BIRC7: variants seen among roughly 807,000 people sequenced by gnomAD.
The protein encoded by BIRC7 is baculoviral IAP repeat containing 7.
BIRC7 carries 26 observed loss-of-function variants against 33.2 expected under a neutral mutation model. The ratio of observed to expected loss-of-function variants is 0.78; its 90% confidence interval spans 0.57 to 1.09. The LOEUF is 1.09. Among genes scored for constraint, BIRC7 ranks in the 50% least tolerant of loss-of-function variants. The probability of loss-of-function intolerance (pLI) is 0.00; values close to 1 mark genes in which losing one functional copy is unlikely to be tolerated. For synonymous variants in BIRC7, 176 were observed against 171.0 expected, an observed-to-expected ratio of 1.03 and a Z score of -0.23; for missense variants, 409 against 401.2, an observed-to-expected ratio of 1.02 and a Z score of -0.17.
At chr20:63,239,263 C>T (rs2066715161) in intron 5 of BIRC7, 30 bp downstream of exon 5, 4 of 1,609,946 alleles carry the variant, frequency 2.5e-6, no homozygotes, top group East Asian at 2.2e-5. Context: ...TGGGTGAGGG[C>T]TGGGGCAGGG....
chr20:63,236,475 C>T lies in BIRC7; in HGVS notation c.349+30C>T, dbSNP rs371997368. 2.5e-5 allele frequency: 37 copies of T among 1,504,722 alleles called. 1 individual carries two copies. The highest frequency in any genetic ancestry group is 1.1e-4 in the East Asian group (5 of 43,900). 93.2% of individuals were successfully genotyped at this position (1,504,722 alleles called of 1,614,324 possible). A position where few individuals can be genotyped will look rare whatever the true frequency, so the allele number is the denominator to read the frequency against. On this transcript the variant is annotated intron_variant, in intron 1 of 6. Transcript: ENST00000217169. ...GTCCCGGGCGGGGGGGCCTTCCTGC[C>T]GTGGGCCTGGGCACGATTCTGGACC...
chr20:63,236,110 A>T lies in BIRC7; in HGVS notation c.14A>T (p.Asp5Val). 1 of 1,558,440 alleles carries T rather than the reference A, an allele frequency of 6.4e-7. No homozygotes were observed. Among genetic ancestry groups the T allele is most frequent in the Non-Finnish European group, 8.7e-7 (1 of 1,145,948 alleles). Residue 5 changes from aspartate (D) to valine (V), a missense_variant, in exon 1 of 7, where the codon GAC becomes GTC. Physicochemically the swap from Asp to Val is radical, Grantham distance 152. Coordinates refer to ENST00000217169, the MANE Select transcript of BIRC7 (RefSeq NM_139317.3). MGPK[D>V]SAKCLHRGPQ... Reference sequence around the variant, plus strand: ...AGTGTTCCCTCCATGGGACCTAAAGACAGTGCCAAGTGCCTGCACCGTGGA... The same window carrying T: ...AGTGTTCCCTCCATGGGACCTAAAGTCAGTGCCAAGTGCCTGCACCGTGGA...
At position 63,238,394 on chromosome 20, in the gene BIRC7, A is replaced by G. The variant is rs1161679745; in HGVS notation, c.450-2A>G. 6.2e-7 allele frequency: 1 copy of G among 1,611,662 alleles called. No individual in the cohort carries two copies. The highest frequency in any genetic ancestry group is 1.7e-5 in the Admixed American group (1 of 60,008). On this transcript the variant is annotated splice_acceptor_variant, in intron 2 of 6. Transcript: ENST00000217169. LOFTEE classifies it high-confidence loss of function. ...CAACCTACATCTCTGGGGCATCTGC[A>G]GCTGTCAGTTCCTGCTCCGGTCAAA...
rs1191962068 is a variant in BIRC7 at position 63,238,235 on chromosome 20, G to A, written c.450-161G>A. 3.4e-5 allele frequency: 32 copies of A among 938,458 alleles called. No homozygotes were observed. The East Asian group carries it at 7.0e-4, about 21-fold the overall frequency. 58.1% of individuals were successfully genotyped at this position (938,458 alleles called of 1,614,324 possible). On this transcript the variant is annotated intron_variant, in intron 2 of 6. Coordinates refer to ENST00000217169, the MANE Select transcript of BIRC7 (RefSeq NM_139317.3). ...GCCTCTCCCATGGGACTACCCTGAA[G>A]CCCCATGGAGGCGTCTCCACAGCAG...
intron 5 of BIRC7, 24 bp from the exon 6 acceptor site, chr20:63,239,334 C>A (rs151009486): frequency 6.2e-7 from 1 of 1,602,448 alleles, no homozygotes; most frequent in African/African-American, 1.3e-5. Flanking sequence ...GGTGTGGGGA[C>A]ATTTCGCAGG....
chr20:63,236,589 C>G, intron 1 of BIRC7, 144 bp downstream of exon 1: 1 of 1,287,876 alleles, frequency 7.8e-7, no homozygotes, highest in Non-Finnish European at 1.0e-6. Context: ...TCCTGCAAGC[C>G]CCTCCAGTGC....
In BIRC7 at chr20:63,239,194, C is replaced by G. The variant is rs11908302; in HGVS notation, c.610C>G (p.Pro204Ala). ...CTCTGGGTACCCTGAGCTGCCCACA[C>G]CCAGGAGAGAGGTCCAGTCTGAAAG... ...PASGYPELPT[P>A]RREVQSESAQ... is the part of the protein sequence containing the mutation. Residue 204 changes from proline to alanine, a missense_variant, in exon 5 of 7, where the codon CCC becomes GCC. Physicochemically the swap from Pro to Ala is conservative, Grantham distance 27. Transcript: ENST00000217169. The G allele has an allele frequency of 1.9e-6, 3 of 1,612,820 alleles. No homozygotes were observed. Among genetic ancestry groups the G allele is most frequent in the African/African-American group, 2.7e-5 (2 of 74,974 alleles).
At chr20:63,238,545 C>A in intron 3 of BIRC7, 24 bp from the exon 4 acceptor site, 1 of 1,613,174 alleles carries the variant, frequency 6.2e-7, no homozygotes, top group Non-Finnish European at 8.5e-7. Context: ...TCCCCAAGGC[C>A]TGATGGTCTC....
At chr20:63,237,858 G>C (rs771398413) in intron 1 of BIRC7, 45 bp from the exon 2 acceptor site, 1 of 1,527,360 alleles carries the variant, frequency 6.5e-7, no homozygotes. Context: ...GGGGCCCGGG[G>C]ACTGGGTGGG....
At chr20:63,237,597 T>C (rs1431069243) in intron 1 of BIRC7, among the ~76,000 whole-genome samples, 4 of 152,008 alleles carry the variant, frequency 2.6e-5, no homozygotes, top group African/African-American at 9.7e-5. Context: ...CCCAGGGCTA[T>C]AGATGTACCA....
Position 63,236,325 on chromosome 20 carries a change from AG to A in BIRC7, c.234del (p.Pro79LeufsTer21), listed in dbSNP as rs564140632. 8 of 1,606,972 alleles carry A rather than the reference AG, an allele frequency of 5.0e-6. No individual in the cohort carries two copies. The highest frequency in any genetic ancestry group is 6.0e-6 in the Non-Finnish European group (7 of 1,175,926). On this transcript the variant is annotated frameshift_variant, in exon 1 of 7. Coordinates refer to ENST00000217169, the MANE Select transcript of BIRC7 (RefSeq NM_139317.3). LOFTEE classifies it high-confidence loss of function. Reference protein sequence around the residue: ...EEEGAGATLSRGPAFPGMGSE... With the variant: ...EEEGAGATLSXGPAFPGMGSE... ...GGAGGGCGCCGGGGCCACCTTGTCC[AG>A]GGGGCCTGCCTTCCCCGGCATGGGC...
intron 1 of BIRC7, among the ~76,000 whole-genome samples, chr20:63,236,958 G>A (rs1018385719): frequency 2.0e-5 from 3 of 152,202 alleles, no homozygotes; most frequent in Non-Finnish European, 2.9e-5. Context: ...TCAAGTCCCC[G>A]GAGTACCTAT....
At position 63,236,463 on chromosome 20, in the gene BIRC7, G is replaced by C; in HGVS notation, c.349+18G>C. 11 of 1,508,258 alleles carry C rather than the reference G, an allele frequency of 7.3e-6. No individual in the cohort carries two copies. The highest frequency in any genetic ancestry group is 9.7e-6 in the Non-Finnish European group (11 of 1,132,274). The allele number at this position is 1,508,258 out of a possible 1,614,324, so 93.4% of individuals were successfully genotyped here. On this transcript the variant is annotated intron_variant, in intron 1 of 6. Transcript: ENST00000217169. The stretch of plus-strand genomic sequence containing the variant: ...CCACACAGGTCAGTCCCGGGCGGGG[G>C]GGCCTTCCTGCCGTGGGCCTGGGCA...
intron 4 of BIRC7, 72 bp from the exon 5 acceptor site, chr20:63,239,090 C>T: frequency 1.3e-6 from 2 of 1,487,206 alleles, no homozygotes; most frequent in African/African-American, 1.4e-5. Flanking sequence ...CCACAGGCTG[C>T]AGACCTGTAT....
intron 4 of BIRC7, 110 bp from the exon 5 acceptor site, chr20:63,239,052 C>A: frequency 1.8e-6 from 2 of 1,107,772 alleles, no homozygotes; most frequent in Non-Finnish European, 2.7e-6. Flanking sequence ...TACTCTGCAG[C>A]CCCTCCACTC....
At position 63,236,183 on chromosome 20, in the gene BIRC7, C is replaced by A; in HGVS notation, c.87C>A (p.Arg29=). 6.3e-7 allele frequency: 1 copy of A among 1,590,096 alleles called. No individual in the cohort carries two copies. Among genetic ancestry groups the A allele is most frequent in the Non-Finnish European group, 8.6e-7 (1 of 1,167,832 alleles). ...WAAGDGPTQE[R]CGPRSLGSPV... ...CCGGTGATGGTCCCACGCAGGAGCG[C>A]TGTGGACCCCGCTCTCTGGGCAGCC... Residue 29 remains arginine (R), a synonymous_variant, in exon 1 of 7, where the codon CGC becomes CGA. Transcript: ENST00000217169.
rs565044697 is a variant in BIRC7 at position 63,237,959 on chromosome 20, C to T, written c.406C>T (p.Arg136Cys). ...FCYGGLQSWK[R>C]GDDPWTEHAK... The stretch of plus-strand genomic sequence containing the variant: ...CTATGGGGGCCTGCAGAGCTGGAAG[C>T]GCGGGGACGACCCCTGGACGGAGCA... The change falls in exon 2 of 7, where the codon CGC (arginine) becomes TGC (cysteine). Residue 136 changes from arginine to cysteine, a missense_variant. By Grantham distance (180) the Arg-to-Cys change is radical (BLOSUM62 -3). Transcript: ENST00000217169. 12 of 1,608,844 alleles carry T rather than the reference C, an allele frequency of 7.5e-6. No homozygotes were observed. The highest frequency in any genetic ancestry group is 2.2e-5 in the East Asian group (1 of 44,642).
chr20:63,237,864 G>A, intron 1 of BIRC7, 39 bp from the exon 2 acceptor site: 1 of 1,554,420 alleles, frequency 6.4e-7, no homozygotes, highest in Non-Finnish European at 8.7e-7. Context: ...CGGGGACTGG[G>A]TGGGACTTGG....
chr20:63,238,667 T>G, intron 4 of BIRC7, 53 bp downstream of exon 4: 3 of 1,602,124 alleles, frequency 1.9e-6, no homozygotes, highest in Non-Finnish European at 1.7e-6. Flanking sequence ...AGCCTGTGCT[T>G]GGCCAAGGCC....
Sources: gnomAD v4.1 joint callset for allele counts (sites outside exome capture counted in the v4.1 genomes callset) on GRCh38, gnomAD v4.1.1 for gene constraint, MANE v1.5 for transcripts, NCBI Gene and HGNC (gene_info 2026-07-23, HGNC 2026-07-21) for gene names.